The following NDC1 variants were observed in gnomAD, a reference collection of about 807,000 sequenced individuals.
The protein encoded by NDC1 is nucleoporin NDC1.
NDC1 carries 24 observed loss-of-function variants against 89.8 expected under a neutral mutation model. The observed-to-expected ratio is 0.27, with a 90% CI of 0.19 to 0.38. The LOEUF (loss-of-function observed/expected upper bound fraction) is 0.38. NDC1 is among the 10% of genes least tolerant of loss of function. The pLI, the probability that NDC1 is intolerant of heterozygous loss-of-function variation, is 1.00. For missense variants in NDC1, 728 were observed against 797.6 expected (o/e 0.91, Z 1.05); for synonymous variants, 296 against 284.8 (o/e 1.04, Z -0.39).
intron 6 of NDC1, 136 bp from the exon 7 acceptor site, chr1:53,809,882 G>T: frequency 1.5e-6 from 1 of 663,996 alleles, no homozygotes. Flanking sequence ...TATTAGGAAT[G>T]AGTAGGAAAA....
chr1:53,794,661 A>T (rs775500125), intron 13 of NDC1, among the ~76,000 whole-genome samples: 3 of 152,172 alleles, frequency 2.0e-5, no homozygotes, highest in Non-Finnish European at 4.4e-5. Flanking sequence ...CTTGAGGCCA[A>T]GAGTTTGAGA....
chr1:53,769,734 C>T (rs989186987), intron 17 of NDC1, among the ~76,000 whole-genome samples: 1 of 152,114 alleles, frequency 6.6e-6, no homozygotes, highest in Non-Finnish European at 1.5e-5. Context: ...GCTTTACCTA[C>T]GTATGATCCC....
At position 53,825,460 on chromosome 1, in the gene NDC1, A is replaced by AAAAAAAAAAAAAAG. The variant is rs1039370528; in HGVS notation, c.594+337_594+338insCTTTTTTTTTTTTT. Among the ~76,000 whole-genome samples the AAAAAAAAAAAAAAG allele has an allele frequency of 1.4e-3, 193 of 142,156 alleles. 2 individuals are homozygous for AAAAAAAAAAAAAAG. The highest frequency in any genetic ancestry group is 1.9e-3 in the Non-Finnish European group (120 of 63,908). The allele number at this position is 142,156 out of a possible 152,430, so 93.3% of individuals were successfully genotyped here. On this transcript the variant is annotated intron_variant, in intron 5 of 17. Transcript: ENST00000371429. ...AAGAAGCGAGACTGTCTCCAAAAAA[A>AAAAAAAAAAAAAAG]AAGAAGCTACACAGAGTACTTTGCA...
intron 7 of NDC1, among the ~76,000 whole-genome samples, chr1:53,809,446 G>A (rs934511889): frequency 2.0e-5 from 3 of 152,028 alleles, no homozygotes; most frequent in African/African-American, 7.2e-5. Context: ...TGAACTCCTG[G>A]GCTCAAGCGA....
intron 11 of NDC1, 115 bp downstream of exon 11, chr1:53,800,578 G>A: frequency 9.2e-7 from 1 of 1,087,434 alleles, no homozygotes; most frequent in Non-Finnish European, 1.4e-6. Context: ...GCCCACCTCG[G>A]CCTCCCAAAG....
chr1:53,790,535 C>T (rs1473746395), intron 14 of NDC1, among the ~76,000 whole-genome samples: 1 of 151,542 alleles, frequency 6.6e-6, no homozygotes, highest in Non-Finnish European at 1.5e-5. Context: ...GGTAAAACTC[C>T]GTCTCTACTA....
Position 53,787,276 on chromosome 1 carries a change from A to G in NDC1, c.1700-18T>C. The G allele has an allele frequency of 6.9e-7, 1 of 1,448,156 alleles. No individual in the cohort carries two copies. Among genetic ancestry groups the G allele is most frequent in the Non-Finnish European group, 9.5e-7 (1 of 1,048,018 alleles). 89.7% of individuals were successfully genotyped at this position (1,448,156 alleles called of 1,614,324 possible). A position where few individuals can be genotyped will look rare whatever the true frequency, so the allele number is the denominator to read the frequency against. ...CGACAGACCTCAAGGGAAAAAAAAA[A>G]AAGGTTAAAAGTCAATCAAAATTAG... On this transcript the variant is annotated intron_variant, in intron 15 of 17. Transcript: ENST00000371429.
At chr1:53,805,813 G>A (rs1017609287) in intron 9 of NDC1, among the ~76,000 whole-genome samples, 4 of 152,180 alleles carry the variant, frequency 2.6e-5, no homozygotes, top group Admixed American at 6.5e-5. Flanking sequence ...GGTGGCTCAC[G>A]CCTGTAATCC....
At chr1:53,796,632 T>A (rs944966940) in intron 13 of NDC1, 57 bp downstream of exon 13, 1 of 1,035,936 alleles carries the variant, frequency 9.7e-7, no homozygotes, top group Non-Finnish European at 1.4e-6. Context: ...TCATGTGAGA[T>A]CCTTAATGTT....
intron 16 of NDC1, among the ~76,000 whole-genome samples, chr1:53,785,245 C>A (rs896907704): frequency 6.6e-6 from 1 of 152,184 alleles, no homozygotes; most frequent in Admixed American, 6.5e-5. Context: ...GTTGTTTTAA[C>A]TACACTGCCA....
At chr1:53,814,124 C>T (rs1008101882) in intron 6 of NDC1, among the ~76,000 whole-genome samples, 14 of 152,056 alleles carry the variant, frequency 9.2e-5, no homozygotes, top group Non-Finnish European at 1.8e-4. Context: ...GAGGCCAAGG[C>T]GGGTGGATCA....
chr1:53,767,909 C>A lies in NDC1; in HGVS notation c.*61G>T. 1 of 1,031,248 alleles carries A rather than the reference C, an allele frequency of 9.7e-7. No individual in the cohort carries two copies. The highest frequency in any genetic ancestry group is 1.4e-6 in the Non-Finnish European group (1 of 693,872). 63.9% of individuals were successfully genotyped at this position (1,031,248 alleles called of 1,614,324 possible). ...TTTCTTCTGATCCAAGAATGCTGAA[C>A]ATTTACTGTCCCATCTGTAGTTGTA... On this transcript the variant is annotated 3_prime_UTR_variant, in exon 18 of 18. Transcript: ENST00000371429.
chr1:53,769,052 C>T (rs1156745620), intron 17 of NDC1, among the ~76,000 whole-genome samples: 5 of 152,200 alleles, frequency 3.3e-5, no homozygotes, highest in African/African-American at 1.2e-4. Context: ...GTGGTTCACA[C>T]CTGTAATCCC....
chr1:53,796,967 G>T lies in NDC1; in HGVS notation c.1400C>A (p.Thr467Asn). 1 of 1,614,162 alleles carries T rather than the reference G, an allele frequency of 6.2e-7. No homozygotes were observed. ...AGGACTTTGCGGTGACCCATAGCAG[G>T]TGTTTACATCAAAAATTCCAGCCAT... is the stretch of plus-strand genomic sequence containing the variant. ...NRMAGIFDVN[T>N]CYGSPQSPQL... Residue 467 changes from threonine (T) to asparagine (N), a missense_variant, in exon 12 of 18, where the codon ACC becomes AAC. Transcript: ENST00000371429.
Position 53,828,159 on chromosome 1 carries a change from G to A in NDC1, c.295C>T (p.Pro99Ser). The A allele has an allele frequency of 6.2e-7, 1 of 1,613,952 alleles. No individual in the cohort carries two copies. The highest frequency in any genetic ancestry group is 2.2e-5 in the East Asian group (1 of 44,880). Residue 99 changes from proline to serine, a missense_variant, in exon 4 of 18, where the codon CCT (proline) becomes TCT (serine). By Grantham distance (74) the Pro-to-Ser change is moderately conservative (BLOSUM62 -1). Transcript: ENST00000371429. ...CCTATCAGAGCTAGTCTGGAGCAAG[G>A]AATAGAAGGCACAACTGCAAAGGAA... ...VEFYAVVPSI[P>S]CSRLALIGKI...
At chr1:53,824,772 G>A (rs1426894109) in intron 5 of NDC1, among the ~76,000 whole-genome samples, 2 of 152,284 alleles carry the variant, frequency 1.3e-5, no homozygotes, top group Non-Finnish European at 1.5e-5. Flanking sequence ...AGCTGAAACT[G>A]TTTTATTTAT....
intron 17 of NDC1, 47 bp from the exon 18 acceptor site, chr1:53,768,080 C>G: frequency 7.6e-7 from 1 of 1,317,994 alleles, no homozygotes. Flanking sequence ...TTACATTAAG[C>G]ATATTAAGTG....
In NDC1 at chr1:53,772,304, C is replaced by T. The variant is rs372859922; in HGVS notation, c.1961+25G>A. ...GAAAGCTCCCCAGAATAGGTATCAT[C>T]ATGGATCAAAACAGGTAAACTTACT... On this transcript the variant is annotated intron_variant, in intron 17 of 17. Transcript: ENST00000371429. The T allele has an allele frequency of 1.9e-6, 3 of 1,608,928 alleles. No homozygotes were observed. In the African/African-American group the frequency reaches 4.0e-5, roughly 21 times the overall value.
chr1:53,826,366 G>A, intron 4 of NDC1, among the ~76,000 whole-genome samples: 1 of 152,226 alleles, frequency 6.6e-6, no homozygotes, highest in African/African-American at 2.4e-5. Flanking sequence ...ACTGGATTTT[G>A]TGGGGCACAA....
Sources: gnomAD v4.1 joint callset for allele counts (sites outside exome capture counted in the v4.1 genomes callset) on GRCh38, gnomAD v4.1.1 for gene constraint, MANE v1.5 for transcripts, NCBI Gene and HGNC (gene_info 2026-07-23, HGNC 2026-07-21) for gene names.